The following EPB41L5 variants were observed in gnomAD, a reference collection of about 807,000 sequenced individuals.
EPB41L5 encodes band 4.1-like protein 5.
Under a neutral mutation model 106.6 loss-of-function variants are expected in EPB41L5, and 55 were observed. The ratio of observed to expected loss-of-function variants is 0.52; its 90% CI spans 0.42 to 0.65. The LOEUF (loss-of-function observed/expected upper bound fraction) is 0.65, where lower values mean the gene tolerates loss of function less well. Ranked by LOEUF, EPB41L5 falls within the 30% of genes least tolerant of loss-of-function variation. The probability of loss-of-function intolerance (pLI) is 0.00; values close to 1 mark genes in which losing one functional copy is unlikely to be tolerated. For synonymous variants in EPB41L5, 297 were observed against 306.7 expected (o/e 0.97, Z 0.33); for missense variants, 871 against 882.1 (o/e 0.99, Z 0.16).
chr2:120,167,879 G>C lies in EPB41L5; in HGVS notation c.2007G>C (p.Gln669His), dbSNP rs948675944. The C allele has an allele frequency of 9.3e-6, 15 of 1,614,150 alleles. No individual in the cohort carries two copies. The highest frequency in any genetic ancestry group is 1.3e-5 in the Non-Finnish European group (15 of 1,180,000). The change falls in exon 24 of 25, where the codon CAG becomes CAC. Residue 669 changes from glutamine (Q) to histidine (H), a missense_variant and splice_region_variant. Transcript: ENST00000263713. ...AGTTGTGTGTGTATCTCCCACAGCAGAGTGGTGCCATGTCTAATGGACTTG... is the reference window on the plus strand; with the variant it reads ...AGTTGTGTGTGTATCTCCCACAGCACAGTGGTGCCATGTCTAATGGACTTG... ...SMITPRWIVP[Q>H]SGAMSNGLAG...
intron 18 of EPB41L5, among the ~76,000 whole-genome samples, chr2:120,138,648 A>G (rs1171172333): frequency 1.3e-5 from 2 of 152,042 alleles, no homozygotes; most frequent in Admixed American, 6.6e-5. Context: ...GATTTCTGCA[A>G]TGAAAACTAC....
chr2:120,113,002 G>A (rs1332680202), intron 16 of EPB41L5, among the ~76,000 whole-genome samples: 2 of 152,142 alleles, frequency 1.3e-5, no homozygotes, highest in Non-Finnish European at 2.9e-5. Flanking sequence ...AGATTGTAGA[G>A]AGTAAAAAGG....
chr2:120,101,166 G>A (rs971217240), intron 16 of EPB41L5, among the ~76,000 whole-genome samples: 7 of 152,206 alleles, frequency 4.6e-5, no homozygotes, highest in Non-Finnish European at 8.8e-5. Context: ...GGTCCGTAAG[G>A]AAAGTATATC....
At chr2:120,121,488 A>G (rs189999084) in intron 16 of EPB41L5, among the ~76,000 whole-genome samples, 2 of 152,140 alleles carry the variant, frequency 1.3e-5, no homozygotes, top group Non-Finnish European at 2.9e-5. Context: ...GCTGAGAATG[A>G]TGGTTTCCAG....
intron 16 of EPB41L5, among the ~76,000 whole-genome samples, chr2:120,126,969 C>T (rs2105461232): frequency 6.6e-6 from 1 of 152,202 alleles, no homozygotes; most frequent in South Asian, 2.1e-4. Flanking sequence ...CATACATAGC[C>T]TTTATTAAAT....
intron 3 of EPB41L5, among the ~76,000 whole-genome samples, chr2:120,055,953 G>C (rs1680621337): frequency 6.6e-6 from 1 of 152,014 alleles, no homozygotes; most frequent in South Asian, 2.1e-4. Flanking sequence ...TCAGTGCCCT[G>C]GCTAGAACCT....
Position 120,019,209 on chromosome 2 carries a change from T to A in EPB41L5, c.125T>A (p.Ile42Asn), listed in dbSNP as rs1038620215. ...CCTGCAGCTGGAGATTCTAAGTCCA[T>A]CATCACGTGTCGGGTGTCCCTTCTG... is the stretch of plus-strand genomic sequence containing the variant. ...HIPAAGDSKS[I>N]ITCRVSLLDG... Residue 42 changes from isoleucine (I) to asparagine (N), a missense_variant, in exon 2 of 25, where the codon ATC (isoleucine) becomes AAC (asparagine). Transcript: ENST00000263713. The A allele has an allele frequency of 9.9e-6, 16 of 1,613,920 alleles. No homozygotes were observed. The highest frequency in any genetic ancestry group is 5.0e-5 in the Admixed American group (3 of 59,972).
chr2:120,142,931 T>A, intron 18 of EPB41L5, 72 bp from the exon 19 acceptor site: 1 of 1,352,666 alleles, frequency 7.4e-7, no homozygotes, highest in African/African-American at 1.5e-5. Flanking sequence ...TGAACTTTCA[T>A]CAGTCTATTT....
chr2:120,154,325 AT>A (rs1175145694), intron 20 of EPB41L5, among the ~76,000 whole-genome samples: 47 of 144,356 alleles, frequency 3.3e-4, no homozygotes, highest in East Asian at 6.1e-4. Context: ...TGCCCGGCTA[AT>A]TTTTTTTTTT....
intron 12 of EPB41L5, 40 bp downstream of exon 12, chr2:120,090,556 A>G: frequency 1.3e-6 from 2 of 1,562,562 alleles, no homozygotes; most frequent in African/African-American, 1.4e-5. Flanking sequence ...TTCATTGCAT[A>G]CAGGCCAAAA....
intron 10 of EPB41L5, among the ~76,000 whole-genome samples, chr2:120,079,229 A>G (rs530172957): frequency 6.6e-6 from 1 of 152,302 alleles, no homozygotes; most frequent in Admixed American, 6.5e-5. Context: ...TCTGGCATCA[A>G]ACTCAAATTC....
At chr2:120,154,119 C>T (rs1367771976) in intron 20 of EPB41L5, among the ~76,000 whole-genome samples, 29 of 151,208 alleles carry the variant, frequency 1.9e-4, no homozygotes, top group Admixed American at 1.9e-3. Context: ...TGAGCATACC[C>T]CTTGATTTCC....
At position 120,135,742 on chromosome 2, in the gene EPB41L5, A is replaced by G. The variant is rs150377245; in HGVS notation, c.1599+4027A>G. ...ATTTTTATCCTAAAATAGTATATCC[A>G]TGTTTGAAGATACCCTTCAAACATG... is the stretch of plus-strand genomic sequence containing the variant. On this transcript the variant is annotated intron_variant, in intron 18 of 24. Coordinates refer to ENST00000263713, the MANE Select transcript of EPB41L5 (RefSeq NM_020909.4). Among the ~76,000 whole-genome samples the G allele has an allele frequency of 6.4e-3, 969 of 152,258 alleles. 15 individuals are homozygous for G. Among genetic ancestry groups the G allele is most frequent in the African/African-American group, 0.021 (859 of 41,552 alleles).
intron 16 of EPB41L5, among the ~76,000 whole-genome samples, chr2:120,103,432 T>C (rs954846355): frequency 7.9e-5 from 12 of 152,332 alleles, no homozygotes; most frequent in African/African-American, 1.2e-4. Context: ...TCTGTACCTG[T>C]TGAATTTCAT....
chr2:120,074,293 C>G, intron 5 of EPB41L5, 115 bp downstream of exon 5: 1 of 674,178 alleles, frequency 1.5e-6, no homozygotes, highest in Non-Finnish European at 2.5e-6. Context: ...CCCCTGGTAA[C>G]AAGACCTCAA....
chr2:120,165,006 A>C, intron 22 of EPB41L5, 96 bp downstream of exon 22: 1 of 893,328 alleles, frequency 1.1e-6, no homozygotes, highest in Non-Finnish European at 1.7e-6. Context: ...TAATTCAGTT[A>C]AACTTTTCAT....
intron 3 of EPB41L5, among the ~76,000 whole-genome samples, chr2:120,061,458 C>T (rs1290761980): frequency 6.6e-6 from 1 of 151,768 alleles, no homozygotes; most frequent in East Asian, 1.9e-4. Flanking sequence ...CTCCTGACCT[C>T]GTGATCCGCC....
chr2:120,032,213 T>A (rs1042515944), intron 2 of EPB41L5, among the ~76,000 whole-genome samples: 18 of 152,068 alleles, frequency 1.2e-4, no homozygotes, highest in South Asian at 6.2e-4. Context: ...AAACTCCGTC[T>A]CTACTAAAAA....
rs57959562 is a variant in EPB41L5 at position 120,025,292 on chromosome 2, A to G, written c.180+6028A>G. Among the ~76,000 whole-genome samples the G allele has an allele frequency of 6.1e-3, 925 of 152,296 alleles. 10 individuals are homozygous for G. Among genetic ancestry groups the G allele is most frequent in the African/African-American group, 0.021 (866 of 41,574 alleles). On this transcript the variant is annotated intron_variant, in intron 2 of 24. Transcript: ENST00000263713. ...GTAGTTGATTTGCATAGAGGTGTTC[A>G]TAGTATTCTCTGATGGTAGTTTGTA...
Sources: allele counts gnomAD v4.1 joint callset (sites outside exome capture counted in the v4.1 genomes callset), GRCh38; gene constraint gnomAD v4.1.1; transcripts MANE v1.5; gene names NCBI Gene and HGNC (gene_info 2026-07-23, HGNC 2026-07-21).